The following PPP4R2 variants were observed in gnomAD, a reference collection of about 807,000 sequenced individuals.
PPP4R2 encodes the protein serine/threonine-protein phosphatase 4 regulatory subunit 2.
In PPP4R2, 13 loss-of-function variants were observed where a neutral mutation model predicts 47.2. The ratio of observed to expected loss-of-function variants is 0.28; its 90% CI spans 0.18 to 0.44. The LOEUF is 0.44. Ranked by LOEUF, PPP4R2 falls within the 20% of genes least tolerant of loss-of-function variation. The pLI, the probability that PPP4R2 is intolerant of heterozygous loss-of-function variation, is 1.00. For synonymous variants in PPP4R2, 151 were observed against 163.3 expected, an observed-to-expected ratio of 0.92 and a Z score of 0.57; for missense variants, 421 against 491.2, an observed-to-expected ratio of 0.86 and a Z score of 1.35.
At chr3:73,021,769 C>T (rs1355347981) in intron 2 of PPP4R2, among the ~76,000 whole-genome samples, 6 of 151,236 alleles carry the variant, frequency 4.0e-5, no homozygotes, top group Admixed American at 2.0e-4. Context: ...CTAGGTATTG[C>T]GGGTGCTGTG....
intron 3 of PPP4R2, among the ~76,000 whole-genome samples, chr3:73,057,349 G>T (rs1435520762): frequency 6.6e-6 from 1 of 152,062 alleles, no homozygotes; most frequent in African/African-American, 2.4e-5. Flanking sequence ...GGTGTGCTTT[G>T]TACTTCCCCA....
chr3:73,025,798 T>C (rs1702052001), intron 2 of PPP4R2, among the ~76,000 whole-genome samples: 1 of 152,148 alleles, frequency 6.6e-6, no homozygotes, highest in South Asian at 2.1e-4. Context: ...AAAAGATAAA[T>C]CAGAGCTTTG....
At chr3:73,003,196 T>G (rs561497459) in intron 2 of PPP4R2, among the ~76,000 whole-genome samples, 1 of 148,718 alleles carries the variant, frequency 6.7e-6, no homozygotes, top group South Asian at 2.2e-4. Flanking sequence ...AGCATATTGC[T>G]ATTACGTAAC....
intron 2 of PPP4R2, among the ~76,000 whole-genome samples, chr3:73,017,548 CT>C (rs1429030063): frequency 6.6e-6 from 1 of 151,868 alleles, no homozygotes; most frequent in Non-Finnish European, 1.5e-5. Context: ...TATATTGAGT[CT>C]AGAAAGAGTG....
In PPP4R2 at chr3:73,064,043, C is replaced by G; in HGVS notation, c.535C>G (p.Arg179Gly). 5 of 1,612,432 alleles carry G rather than the reference C, an allele frequency of 3.1e-6. No individual in the cohort carries two copies. The highest frequency in any genetic ancestry group is 4.2e-6 in the Non-Finnish European group (5 of 1,179,566). ...NGPGTPRPLNRPKVSLSAPMT... is the reference protein window; with the variant it reads ...NGPGTPRPLNGPKVSLSAPMT... ...GCCTGGGACACCCAGGCCACTTAAT[C>G]GACCAAAGGTTTCTTTGTCAGCCCC... Residue 179 changes from arginine to glycine, a missense_variant, in exon 7 of 9, where the codon CGA becomes GGA. Physicochemically the swap from Arg to Gly is moderately radical, Grantham distance 125. Around this residue, in one of 2 missense-constraint regions of PPP4R2, gnomAD observed 317 missense variants for 287.5 expected, o/e 1.10. Transcript: ENST00000356692.
At chr3:73,026,969 T>C (rs1702079073) in intron 2 of PPP4R2, among the ~76,000 whole-genome samples, 1 of 152,206 alleles carries the variant, frequency 6.6e-6, no homozygotes, top group African/African-American at 2.4e-5. Context: ...AGTTGTCTTA[T>C]TGATAATAAA....
At chr3:73,061,829 C>T in intron 5 of PPP4R2, 1 of 391,636 alleles carries the variant, frequency 2.6e-6, no homozygotes, top group South Asian at 2.6e-5. Context: ...TTCCAAAGTG[C>T]TGAGATTACA....
intron 2 of PPP4R2, among the ~76,000 whole-genome samples, chr3:73,003,858 C>T (rs1378636296): frequency 6.6e-6 from 1 of 152,026 alleles, no homozygotes; most frequent in Non-Finnish European, 1.5e-5. Context: ...GCCACCACGC[C>T]CGGCTACTTT....
At chr3:73,038,542 C>G in intron 2 of PPP4R2, among the ~76,000 whole-genome samples, 1 of 151,864 alleles carries the variant, frequency 6.6e-6, no homozygotes, top group East Asian at 1.9e-4. Flanking sequence ...ACTACAGGTG[C>G]GTGCCACCAA....
At chr3:73,044,884 C>A (rs1466254820) in intron 2 of PPP4R2, among the ~76,000 whole-genome samples, 2 of 152,174 alleles carry the variant, frequency 1.3e-5, no homozygotes, top group Non-Finnish European at 2.9e-5. Context: ...CAAATATTTT[C>A]TCCCATTTCA....
chr3:72,999,248 C>T (rs973002183), intron 2 of PPP4R2, among the ~76,000 whole-genome samples: 6 of 152,152 alleles, frequency 3.9e-5, no homozygotes, highest in African/African-American at 1.4e-4. Context: ...ATGGGACCCT[C>T]TGGGCGGGGG....
chr3:73,058,979 G>T, intron 3 of PPP4R2, 58 bp from the exon 4 acceptor site: 1 of 1,049,608 alleles, frequency 9.5e-7, no homozygotes, highest in Non-Finnish European at 1.4e-6. Context: ...AAGAAATAAT[G>T]TTCCTCGTTT....
intron 2 of PPP4R2, among the ~76,000 whole-genome samples, chr3:73,015,276 T>G (rs1297284173): frequency 6.6e-6 from 1 of 151,872 alleles, no homozygotes; most frequent in Admixed American, 6.6e-5. Context: ...GCCTCCCTGG[T>G]TCAAGCAGTT....
At chr3:73,053,694 G>A (rs1285625909) in intron 3 of PPP4R2, among the ~76,000 whole-genome samples, 1 of 151,910 alleles carries the variant, frequency 6.6e-6, no homozygotes, top group Non-Finnish European at 1.5e-5. Context: ...CGGATCATGA[G>A]GTCAGGAGAT....
intron 5 of PPP4R2, 47 bp downstream of exon 5, chr3:73,061,107 T>C (rs765781686): frequency 1.3e-5 from 11 of 859,514 alleles, no homozygotes; most frequent in Non-Finnish European, 1.7e-5. Flanking sequence ...CTATATTTAA[T>C]CATTTTATTG....
Position 73,063,760 on chromosome 3 carries a change from A to G in PPP4R2, c.494+13A>G. On this transcript the variant is annotated intron_variant, in intron 6 of 8. Transcript: ENST00000356692. ...GCTATACTGAGAGGTGAGATTCTAG[A>G]TTTTTAATACCTACAGAGTTTGCAT... 1 of 1,475,856 alleles carries G rather than the reference A, an allele frequency of 6.8e-7. No homozygotes were observed. Among genetic ancestry groups the G allele is most frequent in the Non-Finnish European group, 9.3e-7 (1 of 1,075,150 alleles). 91.4% of individuals were successfully genotyped at this position (1,475,856 alleles called of 1,614,324 possible).
intron 2 of PPP4R2, among the ~76,000 whole-genome samples, chr3:73,042,722 C>G (rs1466332094): frequency 1.3e-5 from 2 of 152,046 alleles, no homozygotes; most frequent in Admixed American, 1.3e-4. Flanking sequence ...AAATAGTTGT[C>G]CTCCATCAAA....
chr3:73,023,636 C>A (rs1702002446), intron 2 of PPP4R2, among the ~76,000 whole-genome samples: 1 of 152,116 alleles, frequency 6.6e-6, no homozygotes, highest in Non-Finnish European at 1.5e-5. Flanking sequence ...TTAAACAGTG[C>A]AGTAGTTCAT....
intron 2 of PPP4R2, among the ~76,000 whole-genome samples, chr3:73,033,714 G>T (rs918816506): frequency 1.3e-5 from 2 of 152,034 alleles, no homozygotes; most frequent in Non-Finnish European, 2.9e-5. Flanking sequence ...TCCAATCCCT[G>T]TCTAGCTTTT....
Sources: gnomAD v4.1 joint callset for allele counts (sites outside exome capture counted in the v4.1 genomes callset) on GRCh38, gnomAD v4.1.1 for gene constraint, gnomAD v4.1.1 regional missense constraint, MANE v1.5 for transcripts, NCBI Gene and HGNC (gene_info 2026-07-23, HGNC 2026-07-21) for gene names.